SH3PXD2B: variants seen among roughly 807,000 people sequenced by gnomAD.
SH3PXD2B encodes the protein SH3 and PX domain-containing protein 2B.
In SH3PXD2B, 37 loss-of-function variants were observed where a neutral mutation model predicts 73.1. That is an observed-to-expected ratio of 0.51 (90% CI 0.39 to 0.67). The LOEUF (loss-of-function observed/expected upper bound fraction) is 0.67. Among genes scored for constraint, SH3PXD2B ranks in the 30% least tolerant of loss-of-function variants. SH3PXD2B has a pLI of 0.00. For synonymous variants in SH3PXD2B, 457 were observed against 480.5 expected (o/e 0.95, Z 0.64); for missense variants, 1,053 against 1,197.8 (o/e 0.88, Z 1.78).
intron 3 of SH3PXD2B, among the ~76,000 whole-genome samples, chr5:172,396,667 C>G (rs1581306677): frequency 7.1e-6 from 1 of 140,070 alleles, no homozygotes; most frequent in African/African-American, 2.7e-5. Context: ...AATATCTAGG[C>G]TGGGTGCGGT....
At chr5:172,412,734 C>A (rs1002874419) in intron 2 of SH3PXD2B, among the ~76,000 whole-genome samples, 5 of 152,218 alleles carry the variant, frequency 3.3e-5, no homozygotes, top group Admixed American at 6.5e-5. Context: ...CCCAGGCTGT[C>A]TGCAGCAGCA....
chr5:172,419,742 G>A (rs1758913906), intron 2 of SH3PXD2B, among the ~76,000 whole-genome samples: 1 of 152,140 alleles, frequency 6.6e-6, no homozygotes, highest in Admixed American at 6.5e-5. Flanking sequence ...CTAGCTGAGT[G>A]GGCTTTGCTC....
At chr5:172,412,172 G>T (rs142220058) in intron 2 of SH3PXD2B, among the ~76,000 whole-genome samples, 131 of 152,298 alleles carry the variant, frequency 8.6e-4, no homozygotes, top group African/African-American at 3.0e-3. Flanking sequence ...AATAATATTT[G>T]ATTGTGAGGC....
Position 172,337,511 on chromosome 5 carries a change from G to T in SH3PXD2B, c.*858C>A. On this transcript the variant is annotated 3_prime_UTR_variant, in exon 13 of 13. Coordinates refer to ENST00000311601, the MANE Select transcript of SH3PXD2B (RefSeq NM_001017995.3). Reference sequence around the variant, plus strand: ...CACCCACGAGGCACTCAGCAAAGGGGTGCTCACAAGGGCACGACTTGTGAA... The same window carrying T: ...CACCCACGAGGCACTCAGCAAAGGGTTGCTCACAAGGGCACGACTTGTGAA... The T allele has an allele frequency of 1.0e-6, 1 of 985,522 alleles. No individual in the cohort carries two copies. The highest frequency in any genetic ancestry group is 1.2e-6 in the Non-Finnish European group (1 of 829,980). The allele number at this position is 985,522 out of a possible 1,614,324, so 61.0% of individuals were successfully genotyped here.
intron 1 of SH3PXD2B, 67 bp from the exon 2 acceptor site, chr5:172,422,563 G>A (rs1581327391): frequency 6.9e-7 from 1 of 1,450,768 alleles, no homozygotes; most frequent in South Asian, 1.2e-5. Flanking sequence ...TGGGACCCAG[G>A]GGGAGCACAA....
rs759399077 is a variant in SH3PXD2B, at chr5:172,338,982, C to T, written c.2123G>A (p.Arg708His). 21 of 1,613,952 alleles carry T rather than the reference C, an allele frequency of 1.3e-5. No individual in the cohort carries two copies. Among genetic ancestry groups the T allele is most frequent in the East Asian group, 2.2e-5 (1 of 44,878 alleles). Reference protein sequence around the residue: ...RSFLPGEGPGRAQDRTGKQDG... With the variant: ...RSFLPGEGPGHAQDRTGKQDG... Reference sequence around the variant, plus strand: ...CTGTTTGCCCGTCCTGTCCTGGGCGCGGCCAGGCCCCTCTCCTGGGAGGAA... The same window carrying T: ...CTGTTTGCCCGTCCTGTCCTGGGCGTGGCCAGGCCCCTCTCCTGGGAGGAA... Residue 708 changes from arginine to histidine, a missense_variant, in exon 13 of 13, where the codon CGC (arginine) becomes CAC (histidine). Physicochemically the swap from Arg to His is conservative, Grantham distance 29 (BLOSUM62 0). This residue lies in a region of SH3PXD2B where 587 missense variants were observed against 590.7 expected (regional missense o/e 0.99). Coordinates refer to ENST00000311601, the MANE Select transcript of SH3PXD2B (RefSeq NM_001017995.3). This position sits in a 1 kb window ranked among gnomAD's most constrained non-coding sequence, Gnocchi z 5.1.
intron 2 of SH3PXD2B, among the ~76,000 whole-genome samples, chr5:172,407,933 C>T (rs1301653741): frequency 6.6e-6 from 1 of 152,204 alleles, no homozygotes; most frequent in Non-Finnish European, 1.5e-5. Context: ...CTGAAGACCA[C>T]TTGCTTCTTT....
In SH3PXD2B at chr5:172,339,963, A is replaced by T; in HGVS notation, c.1189-47T>A. 1 of 1,610,776 alleles carries T rather than the reference A, an allele frequency of 6.2e-7. No homozygotes were observed. Among genetic ancestry groups the T allele is most frequent in the East Asian group, 2.2e-5 (1 of 44,696 alleles). On this transcript the variant is annotated intron_variant, in intron 12 of 12. Coordinates refer to ENST00000311601, the MANE Select transcript of SH3PXD2B (RefSeq NM_001017995.3). This position sits in a 1 kb window ranked among gnomAD's most constrained non-coding sequence, Gnocchi z 6.1. ...GGCACTTGGCTACGATGCCAGGGCCAGCAGATGGAATGGTTTGGCAGAACC... is the reference window on the plus strand; with the variant it reads ...GGCACTTGGCTACGATGCCAGGGCCTGCAGATGGAATGGTTTGGCAGAACC...
chr5:172,443,782 G>T (rs900470350), intron 1 of SH3PXD2B, among the ~76,000 whole-genome samples: 3 of 152,240 alleles, frequency 2.0e-5, no homozygotes. Context: ...CACAGCGGGC[G>T]GGGGGCCATG....
rs1486399940 is a variant in SH3PXD2B, at chr5:172,366,550, G to A, written c.428-3681C>T. On this transcript the variant is annotated intron_variant, in intron 6 of 12. Coordinates refer to ENST00000311601, the MANE Select transcript of SH3PXD2B (RefSeq NM_001017995.3). ...CAACCTCTCCTTCTTATTTCAGTGG[G>A]AACCACCTATTCTTAGCCTCCTAAC... is the stretch of plus-strand genomic sequence containing the variant. Among the ~76,000 whole-genome samples the A allele has an allele frequency of 2.0e-5, 3 of 152,158 alleles. No individual in the cohort carries two copies. The East Asian group carries it at 5.8e-4, about 29-fold the overall frequency.
intron 5 of SH3PXD2B, among the ~76,000 whole-genome samples, chr5:172,375,359 C>G (rs1383427368): frequency 6.6e-6 from 1 of 152,088 alleles, no homozygotes; most frequent in Non-Finnish European, 1.5e-5. Flanking sequence ...GACTCTGTCT[C>G]AAAAACAAAA....
At chr5:172,443,106 T>C (rs576000964) in intron 1 of SH3PXD2B, among the ~76,000 whole-genome samples, 2 of 152,244 alleles carry the variant, frequency 1.3e-5, no homozygotes, top group Non-Finnish European at 2.9e-5. Flanking sequence ...AACAAAATTA[T>C]GACTATATGT....
rs1756736824 is a variant in SH3PXD2B at position 172,337,696 on chromosome 5, C to T, written c.*673G>A. ...GCGGGGCTGGAACCACCCTTCAGGG[C>T]TGACCACGGTCCCAAGATAGAAGGT... On this transcript the variant is annotated 3_prime_UTR_variant, in exon 13 of 13. Transcript: ENST00000311601. 2.0e-6 allele frequency: 2 copies of T among 990,916 alleles called. No individual in the cohort carries two copies. The allele number at this position is 990,916 out of a possible 1,614,324, so 61.4% of individuals were successfully genotyped here.
intron 2 of SH3PXD2B, among the ~76,000 whole-genome samples, chr5:172,414,038 A>G (rs373673359): frequency 1.2e-4 from 18 of 152,340 alleles, no homozygotes; most frequent in African/African-American, 4.3e-4. Flanking sequence ...TCCTCAGAAA[A>G]GCTGGAAGAA....
rs138295735 is a variant in SH3PXD2B, at chr5:172,443,624, G to C, written c.75+10654C>G. Among the ~76,000 whole-genome samples, 1,201 of 152,338 alleles carry C rather than the reference G, an allele frequency of 7.9e-3. 15 individuals are homozygous for C. The highest frequency in any genetic ancestry group is 0.026 in the African/African-American group (1,081 of 41,576). On this transcript the variant is annotated intron_variant, in intron 1 of 12. Coordinates refer to ENST00000311601, the MANE Select transcript of SH3PXD2B (RefSeq NM_001017995.3). ...TTAGCCTCTCTCTGGCTCTGGGCCAGACCTGGCCCAGGGCAGACAATAAAC... is the reference window on the plus strand; with the variant it reads ...TTAGCCTCTCTCTGGCTCTGGGCCACACCTGGCCCAGGGCAGACAATAAAC...
intron 10 of SH3PXD2B, among the ~76,000 whole-genome samples, chr5:172,347,939 T>C (rs1757032580): frequency 6.6e-6 from 1 of 152,156 alleles, no homozygotes; most frequent in East Asian, 1.9e-4. Context: ...GCAGCTGCCC[T>C]GGCTCTGGGT....
intron 2 of SH3PXD2B, among the ~76,000 whole-genome samples, chr5:172,413,534 GTAAA>G (rs1268588968): frequency 6.6e-6 from 1 of 152,166 alleles, no homozygotes; most frequent in Non-Finnish European, 1.5e-5. Flanking sequence ...GAACAAATGA[GTAAA>G]TGAATGAATG....
chr5:172,439,298 A>C (rs1432232585), intron 1 of SH3PXD2B, among the ~76,000 whole-genome samples: 1 of 148,392 alleles, frequency 6.7e-6, no homozygotes, highest in African/African-American at 2.5e-5. Context: ...AAAACCCCAA[A>C]AAAAAACCAC....
chr5:172,385,366 C>T (rs1016963284), intron 4 of SH3PXD2B, among the ~76,000 whole-genome samples: 6 of 152,116 alleles, frequency 3.9e-5, no homozygotes, highest in African/African-American at 1.2e-4. Context: ...CTTTATGTAA[C>T]CCTGGGAAGG....
Sources: allele counts gnomAD v4.1 joint callset (sites outside exome capture counted in the v4.1 genomes callset), GRCh38; gene constraint gnomAD v4.1.1; regional missense constraint gnomAD v4.1.1; non-coding constraint Gnocchi (gnomAD v3.1); transcripts MANE v1.5; gene names NCBI Gene and HGNC (gene_info 2026-07-23, HGNC 2026-07-21).